SHISA9: variants seen among roughly 807,000 people sequenced by gnomAD.
SHISA9 encodes shisa family member 9.
In SHISA9, 13 loss-of-function variants were observed where a neutral mutation model predicts 38.0. The ratio of observed to expected loss-of-function variants is 0.34; its 90% CI spans 0.22 to 0.54. The LOEUF is 0.54. Ranked by LOEUF, SHISA9 falls within the 20% of genes least tolerant of loss-of-function variation. The pLI, the probability that SHISA9 is intolerant of heterozygous loss-of-function variation, is 0.91. For synonymous variants in SHISA9, 275 were observed against 242.0 expected, an observed-to-expected ratio of 1.14 and a Z score of -1.27; for missense variants, 538 against 575.8, an observed-to-expected ratio of 0.93 and a Z score of 0.67.
chr16:13,024,492 G>T (rs535060994), intron 2 of SHISA9, among the ~76,000 whole-genome samples: 1 of 152,316 alleles, frequency 6.6e-6, no homozygotes, highest in African/African-American at 2.4e-5. Context: ...CACTGTGGGG[G>T]AGCCAGTCCC....
chr16:13,143,170 T>A lies in SHISA9; in HGVS notation c.692-60224T>A, dbSNP rs558301027. ...ACAGGCGTGTGCTACCAGGCCTGGCTAACTATTTTTTGTATTTTTGGTACA... is the reference window on the plus strand; with the variant it reads ...ACAGGCGTGTGCTACCAGGCCTGGCAAACTATTTTTTGTATTTTTGGTACA... On this transcript the variant is annotated intron_variant, in intron 2 of 4. Coordinates refer to ENST00000558583, the MANE Select transcript of SHISA9 (RefSeq NM_001145204.3). Among the ~76,000 whole-genome samples the A allele has an allele frequency of 2.6e-5, 4 of 151,932 alleles. No individual in the cohort carries two copies. The South Asian group carries it at 8.3e-4, about 32-fold the overall frequency.
the SHISA9 span, among the ~76,000 whole-genome samples, chr16:13,529,730 A>G: frequency 1.3e-5 from 2 of 152,168 alleles, no homozygotes; most frequent in African/African-American, 2.4e-5. Context: ...ACACCAACCT[A>G]TAGGGCATCC....
chr16:13,374,747 T>G, the SHISA9 span, among the ~76,000 whole-genome samples: 5 of 152,324 alleles, frequency 3.3e-5, no homozygotes, highest in African/African-American at 9.6e-5. Context: ...CCACACTGTC[T>G]TCCACAATGG....
chr16:13,492,812 T>C, the SHISA9 span, among the ~76,000 whole-genome samples: 1 of 152,208 alleles, frequency 6.6e-6, no homozygotes. Flanking sequence ...AAGCTGAGAT[T>C]TGAATGACAA....
chr16:13,047,721 C>T (rs192579322), intron 2 of SHISA9, among the ~76,000 whole-genome samples: 2 of 152,260 alleles, frequency 1.3e-5, no homozygotes, highest in Admixed American at 1.3e-4. Flanking sequence ...GTGCAAGATT[C>T]TTTGCATCTT....
At chr16:13,169,575 C>T (rs1294512208) in intron 2 of SHISA9, among the ~76,000 whole-genome samples, 15 of 152,100 alleles carry the variant, frequency 9.9e-5, no homozygotes, top group Admixed American at 5.9e-4. Context: ...ACAACTCTGG[C>T]TAAAGAATTT....
chr16:13,452,511 A>C, the SHISA9 span, among the ~76,000 whole-genome samples: 1 of 152,170 alleles, frequency 6.6e-6, no homozygotes. Context: ...AGCTAAACAA[A>C]GGTGGGTAGG....
At chr16:13,084,859 G>C (rs2073693181) in intron 2 of SHISA9, among the ~76,000 whole-genome samples, 1 of 152,222 alleles carries the variant, frequency 6.6e-6, no homozygotes, top group Non-Finnish European at 1.5e-5. Context: ...GAACATTCCA[G>C]GCAGACGGAA....
At chr16:13,385,236 G>A in the SHISA9 span, among the ~76,000 whole-genome samples, 1 of 152,160 alleles carries the variant, frequency 6.6e-6, no homozygotes, top group Non-Finnish European at 1.5e-5. Context: ...CTGGAAAACA[G>A]TTTGGTGTTT....
chr16:13,343,395 AC>A, the SHISA9 span, among the ~76,000 whole-genome samples: 1 of 152,100 alleles, frequency 6.6e-6, no homozygotes, highest in African/African-American at 2.4e-5. Context: ...TCTCTCTAGT[AC>A]CACAAATAAA....
chr16:12,958,195 T>A (rs1393101862), intron 2 of SHISA9, among the ~76,000 whole-genome samples: 3 of 152,242 alleles, frequency 2.0e-5, no homozygotes, highest in African/African-American at 7.2e-5. Context: ...GCAAAACCGT[T>A]ATCATCTGAC....
intron 3 of SHISA9, among the ~76,000 whole-genome samples, chr16:13,206,533 G>T (rs753288497): frequency 2.0e-5 from 3 of 152,140 alleles, no homozygotes; most frequent in Non-Finnish European, 4.4e-5. Context: ...CTAGCATAGG[G>T]CCAGGCACTT....
At chr16:13,271,973 G>A in the SHISA9 span, among the ~76,000 whole-genome samples, 12 of 152,032 alleles carry the variant, frequency 7.9e-5, no homozygotes, top group Admixed American at 7.2e-4. Flanking sequence ...CAGCTACTTC[G>A]GAAGCTGAGG....
chr16:13,418,201 T>A, the SHISA9 span, among the ~76,000 whole-genome samples: 1 of 151,616 alleles, frequency 6.6e-6, no homozygotes, highest in African/African-American at 2.4e-5. Flanking sequence ...ATTAGCAGGA[T>A]CTTTGAAGAA....
the SHISA9 span, among the ~76,000 whole-genome samples, chr16:13,524,851 T>G: frequency 6.6e-6 from 1 of 152,084 alleles, no homozygotes; most frequent in Non-Finnish European, 1.5e-5. Context: ...AATTCTTTAT[T>G]ACGCAGAGTT....
chr16:13,090,541 C>T (rs963959831), intron 2 of SHISA9, among the ~76,000 whole-genome samples: 5 of 152,124 alleles, frequency 3.3e-5, no homozygotes, highest in Admixed American at 3.3e-4. Context: ...TAATTGATCC[C>T]TTTACCATTA....
the SHISA9 span, among the ~76,000 whole-genome samples, chr16:13,535,942 G>A: frequency 6.6e-6 from 1 of 151,606 alleles, no homozygotes; most frequent in African/African-American, 2.4e-5. Flanking sequence ...CTGAGCCTTT[G>A]TACTGTTCGT....
intron 2 of SHISA9, among the ~76,000 whole-genome samples, chr16:12,944,704 C>T (rs904757070): frequency 6.6e-6 from 1 of 152,136 alleles, no homozygotes; most frequent in Non-Finnish European, 1.5e-5. Context: ...TTAAATGTTC[C>T]TTATGCAGGA....
chr16:13,492,166 T>C, the SHISA9 span, among the ~76,000 whole-genome samples: 2 of 152,112 alleles, frequency 1.3e-5, no homozygotes, highest in Admixed American at 6.6e-5. Flanking sequence ...TAACCAGCCC[T>C]AGTCAATTTC....
Sources: allele counts gnomAD v4.1 joint callset (sites outside exome capture counted in the v4.1 genomes callset), GRCh38; gene constraint gnomAD v4.1.1; transcripts MANE v1.5; gene names NCBI Gene and HGNC (gene_info 2026-07-23, HGNC 2026-07-21).